Variants in CENPW observed in about 807,000 individuals in gnomAD.
CENPW encodes cancer-up-regulated gene 2 protein.
In CENPW, 3 loss-of-function variants were observed where a neutral mutation model predicts 11.1. That is an observed-to-expected ratio of 0.27 (90% CI 0.12 to 0.70). CENPW has a LOEUF of 0.70. CENPW is among the 30% of genes least tolerant of loss of function. The pLI is 0.77. For missense variants in CENPW, 100 were observed against 105.6 expected, an observed-to-expected ratio of 0.95 and a Z score of 0.23; for synonymous variants, 38 against 42.0, an observed-to-expected ratio of 0.91 and a Z score of 0.37.
At chr6:126,437,913 C>T in the CENPW span, among the ~76,000 whole-genome samples, 6 of 151,324 alleles carry the variant, frequency 4.0e-5, no homozygotes, top group African/African-American at 9.7e-5. Flanking sequence ...TTTAAGCAGC[C>T]GTATAGCGCT....
chr6:126,371,095 G>C, the CENPW span, among the ~76,000 whole-genome samples: 1 of 152,150 alleles, frequency 6.6e-6, no homozygotes, highest in South Asian at 2.1e-4. Context: ...CCTCTTGTCT[G>C]ATTGCTCTAG....
the CENPW span, among the ~76,000 whole-genome samples, chr6:126,476,444 C>T: frequency 6.6e-6 from 1 of 151,844 alleles, no homozygotes; most frequent in Admixed American, 6.6e-5. Flanking sequence ...ATCTTTTCAA[C>T]ATCTTTAGTG....
At chr6:126,440,656 A>C in the CENPW span, among the ~76,000 whole-genome samples, 1 of 151,582 alleles carries the variant, frequency 6.6e-6, no homozygotes, top group Non-Finnish European at 1.5e-5. Context: ...CTGCAAAATC[A>C]ACTTATTTTC....
the CENPW span, among the ~76,000 whole-genome samples, chr6:126,459,834 A>G: frequency 3.3e-5 from 5 of 151,472 alleles, no homozygotes; most frequent in East Asian, 9.7e-4. Context: ...ATTCTCTTGT[A>G]ATTCGGGGAC....
chr6:126,340,519 G>A, intron 1 of CENPW, 120 bp downstream of exon 1: 2 of 1,444,244 alleles, frequency 1.4e-6, no homozygotes, highest in Non-Finnish European at 1.9e-6. Flanking sequence ...CCTGTTTAAG[G>A]CAGTTCCAAC....
At chr6:126,454,992 A>G in the CENPW span, among the ~76,000 whole-genome samples, 1 of 151,426 alleles carries the variant, frequency 6.6e-6, no homozygotes, top group African/African-American at 2.4e-5. Flanking sequence ...ATTCCTGGAA[A>G]CATACAACCT....
chr6:126,388,884 A>C, the CENPW span, among the ~76,000 whole-genome samples: 1 of 151,968 alleles, frequency 6.6e-6, no homozygotes, highest in African/African-American at 2.4e-5. Context: ...AATAGTGTGC[A>C]TGTAGCTCTT....
At chr6:126,459,598 G>A in the CENPW span, among the ~76,000 whole-genome samples, 1 of 151,466 alleles carries the variant, frequency 6.6e-6, no homozygotes, top group Non-Finnish European at 1.5e-5. Flanking sequence ...TTATTTTTGA[G>A]GTAACACCAG....
chr6:126,408,616 A>G, the CENPW span, among the ~76,000 whole-genome samples: 1 of 152,204 alleles, frequency 6.6e-6, no homozygotes, highest in Admixed American at 6.5e-5. Flanking sequence ...GATGGACTGC[A>G]GATTGAAATG....
chr6:126,472,314 T>C, the CENPW span, among the ~76,000 whole-genome samples: 1 of 152,196 alleles, frequency 6.6e-6, no homozygotes, highest in Admixed American at 6.5e-5. Flanking sequence ...GAATTCTCTC[T>C]GCTCTGGCCC....
the CENPW span, among the ~76,000 whole-genome samples, chr6:126,408,405 A>G: frequency 6.6e-6 from 1 of 152,136 alleles, no homozygotes; most frequent in Admixed American, 6.6e-5. Flanking sequence ...CCTTTATAAA[A>G]TCATCAGATC....
At chr6:126,445,935 T>G in the CENPW span, among the ~76,000 whole-genome samples, 1 of 151,144 alleles carries the variant, frequency 6.6e-6, no homozygotes, top group African/African-American at 2.4e-5. Flanking sequence ...TTTCTAAACA[T>G]CAAGCCCAAA....
chr6:126,456,306 C>A, the CENPW span, among the ~76,000 whole-genome samples: 1 of 151,496 alleles, frequency 6.6e-6, no homozygotes, highest in African/African-American at 2.4e-5. Context: ...TCAAACTATA[C>A]TGCAAGGCTA....
At chr6:126,469,619 G>C in the CENPW span, among the ~76,000 whole-genome samples, 1 of 152,162 alleles carries the variant, frequency 6.6e-6, no homozygotes, top group Non-Finnish European at 1.5e-5. Flanking sequence ...AAGAAGATGT[G>C]GGAAGCTTGA....
chr6:126,404,661 C>T, the CENPW span, among the ~76,000 whole-genome samples: 2 of 152,016 alleles, frequency 1.3e-5, no homozygotes, highest in Non-Finnish European at 1.5e-5. Context: ...ACTGTATCCT[C>T]ACCAAAAGTT....
At chr6:126,447,204 A>G in the CENPW span, among the ~76,000 whole-genome samples, 1 of 151,220 alleles carries the variant, frequency 6.6e-6, no homozygotes, top group Non-Finnish European at 1.5e-5. Context: ...AATAATGCCC[A>G]GGAATCTGCA....
chr6:126,390,533 T>C, the CENPW span, among the ~76,000 whole-genome samples: 23 of 152,042 alleles, frequency 1.5e-4, no homozygotes, highest in East Asian at 7.7e-4. Context: ...AGTTACCCAA[T>C]TGTGCTATGA....
At chr6:126,413,048 A>G in the CENPW span, among the ~76,000 whole-genome samples, 10 of 152,276 alleles carry the variant, frequency 6.6e-5, no homozygotes, top group East Asian at 1.9e-3. Flanking sequence ...ATTTCAAAAT[A>G]ATTTTTACCA....
At chr6:126,363,858 G>T in the CENPW span, among the ~76,000 whole-genome samples, 1 of 152,138 alleles carries the variant, frequency 6.6e-6, no homozygotes, top group African/African-American at 2.4e-5. Context: ...TGCTGCTTTC[G>T]AGGGAGTTTC....
Sources: gnomAD v4.1 joint callset for allele counts (sites outside exome capture counted in the v4.1 genomes callset) on GRCh38, gnomAD v4.1.1 for gene constraint, MANE v1.5 for transcripts, NCBI Gene and HGNC (gene_info 2026-07-23, HGNC 2026-07-21) for gene names.